Variants in NRXN3 observed in about 807,000 individuals in gnomAD.
NRXN3 encodes neurexin III.
Under a neutral mutation model 137.6 loss-of-function variants are expected in NRXN3, and 32 were observed. That is an observed-to-expected ratio of 0.23 (90% CI 0.18 to 0.31). The LOEUF (loss-of-function observed/expected upper bound fraction) is 0.31, where lower values mean the gene tolerates loss of function less well. NRXN3 is among the 10% of genes least tolerant of loss of function. The probability of loss-of-function intolerance (pLI) is 1.00; values close to 1 mark genes in which losing one functional copy is unlikely to be tolerated. For synonymous variants in NRXN3, 798 were observed against 784.5 expected (o/e 1.02, Z -0.29); for missense variants, 1,574 against 2,062.5 (o/e 0.76, Z 4.59).
At chr14:78,905,551 G>T (rs1323559727) in intron 10 of NRXN3, among the ~76,000 whole-genome samples, 1 of 151,752 alleles carries the variant, frequency 6.6e-6, no homozygotes, top group East Asian at 1.9e-4. Context: ...TTGTAATGTT[G>T]CTGTTCTACA....
chr14:79,417,520 T>C (rs778803884), intron 15 of NRXN3, among the ~76,000 whole-genome samples: 1 of 152,142 alleles, frequency 6.6e-6, no homozygotes, highest in Non-Finnish European at 1.5e-5. Context: ...CTGCTGCTGC[T>C]ACCATGGCTT....
chr14:79,861,692 G>A lies in NRXN3; in HGVS notation c.4444G>A (p.Val1482Ile), dbSNP rs763954991. ...CCCCACGGAGCCGGGAATCAGACGG[G>A]TTCCGGGGGCCTCAGAGGTGATCCG... The part of the protein sequence containing the change: ...ANPTEPGIRR[V>I]PGASEVIRES... The change falls in exon 21 of 21, where the codon GTT becomes ATT. Residue 1482 changes from valine (V) to isoleucine (I), a missense_variant. Physicochemically the swap from Val to Ile is conservative, Grantham distance 29. Coordinates refer to ENST00000335750, the MANE Select transcript of NRXN3 (RefSeq NM_001330195.2). The surrounding 1 kb of genome is among the most constrained non-coding windows in gnomAD (Gnocchi z 5.4). The A allele has an allele frequency of 6.2e-7, 1 of 1,614,140 alleles. No individual in the cohort carries two copies. Among genetic ancestry groups the A allele is most frequent in the Admixed American group, 1.7e-5 (1 of 60,028 alleles).
chr14:78,534,334 T>C (rs963543498), intron 4 of NRXN3, among the ~76,000 whole-genome samples: 1 of 152,124 alleles, frequency 6.6e-6, no homozygotes, highest in African/African-American at 2.4e-5. Context: ...ATGCTGTCAG[T>C]TGTAAGGAAG....
chr14:79,451,609 CA>C (rs2096174054), intron 15 of NRXN3, among the ~76,000 whole-genome samples: 1 of 152,168 alleles, frequency 6.6e-6, no homozygotes, highest in African/African-American at 2.4e-5. Flanking sequence ...TGTAAGTTAC[CA>C]GTGGCTTCAA....
chr14:79,783,217 G>A (rs1425679233), intron 19 of NRXN3, among the ~76,000 whole-genome samples: 1 of 152,176 alleles, frequency 6.6e-6, no homozygotes, highest in East Asian at 1.9e-4. Context: ...AAACAGCACT[G>A]ACTGATAAAG....
rs531648719 is a variant in NRXN3 at position 78,798,334 on chromosome 14, C to A, written c.2045-5286C>A. ...CATTCAAGTCCCAAATCCAGTAAGT[C>A]GGTCATTAAACCTTAAAGTTCCAAA... On this transcript the variant is annotated intron_variant, in intron 8 of 20. Coordinates refer to ENST00000335750, the MANE Select transcript of NRXN3 (RefSeq NM_001330195.2). Among the ~76,000 whole-genome samples, 10 of 152,318 alleles carry A rather than the reference C, an allele frequency of 6.6e-5. No individual in the cohort carries two copies. The East Asian group carries it at 1.9e-3, about 29-fold the overall frequency.
intron 6 of NRXN3, among the ~76,000 whole-genome samples, chr14:78,700,501 G>A (rs1216152436): frequency 2.0e-5 from 3 of 152,180 alleles, no homozygotes; most frequent in Admixed American, 6.5e-5. Flanking sequence ...CTGCTATCCA[G>A]TTGTGTCTGA....
chr14:79,363,531 A>C (rs2093763630), intron 15 of NRXN3, among the ~76,000 whole-genome samples: 1 of 151,722 alleles, frequency 6.6e-6, no homozygotes, highest in South Asian at 2.1e-4. Context: ...CAGCTAAAAG[A>C]GCTTCTTCCT....
chr14:79,008,565 C>CA (rs142552487), intron 15 of NRXN3, among the ~76,000 whole-genome samples: 7 of 150,558 alleles, frequency 4.6e-5, no homozygotes, highest in South Asian at 2.1e-4. Flanking sequence ...TCTCTCCCTG[C>CA]AAAAAAAATA....
At position 79,103,146 on chromosome 14, in the gene NRXN3, G is replaced by A. The variant is rs138020973; in HGVS notation, c.3262+115005G>A. Among the ~76,000 whole-genome samples, 12 of 152,300 alleles carry A rather than the reference G, an allele frequency of 7.9e-5. No individual in the cohort carries two copies. The East Asian group carries it at 1.9e-3, about 25-fold the overall frequency. ...CTTGCTGCAAAAGTAAATGGGGAAT[G>A]CTTCAGGGCTCTTGAGAAAGGTAGT... is the stretch of plus-strand genomic sequence containing the variant. On this transcript the variant is annotated intron_variant, in intron 15 of 20. Transcript: ENST00000335750.
At chr14:79,109,859 A>G (rs1187032248) in intron 15 of NRXN3, among the ~76,000 whole-genome samples, 1 of 152,164 alleles carries the variant, frequency 6.6e-6, no homozygotes, top group African/African-American at 2.4e-5. Flanking sequence ...ACAATAAAGC[A>G]CACTAGGCCA....
At chr14:79,367,262 C>T (rs1000203288) in intron 15 of NRXN3, among the ~76,000 whole-genome samples, 2 of 152,198 alleles carry the variant, frequency 1.3e-5, no homozygotes, top group African/African-American at 4.8e-5. Flanking sequence ...GGATTACAGG[C>T]GTGAGCCACC....
Position 78,715,086 on chromosome 14 carries a change from G to A in NRXN3, c.1991G>A (p.Arg664His), listed in dbSNP as rs570030401. ...NNAVCKDGWN[R>H]FICDCTGTGY... ...GCTGTGTGCAAGGACGGCTGGAACC[G>A]CTTCATCTGCGACTGCACCGGCACC... Residue 664 changes from arginine to histidine, a missense_variant, in exon 8 of 21, where the codon CGC becomes CAC. Physicochemically the swap from Arg to His is conservative, Grantham distance 29 (BLOSUM62 0). Transcript: ENST00000335750. 10 of 1,612,800 alleles carry A rather than the reference G, an allele frequency of 6.2e-6. No homozygotes were observed. Among genetic ancestry groups the A allele is most frequent in the South Asian group, 4.4e-5 (4 of 91,086 alleles).
At chr14:78,987,874 T>G in intron 14 of NRXN3, 148 bp from the exon 15 acceptor site, 7 of 776,066 alleles carry the variant, frequency 9.0e-6, no homozygotes, top group Admixed American at 2.9e-5. Context: ...TCTTGTTGCA[T>G]GAGATTGAGT....
At chr14:79,121,642 T>A (rs964157771) in intron 15 of NRXN3, among the ~76,000 whole-genome samples, 1 of 152,246 alleles carries the variant, frequency 6.6e-6, no homozygotes, top group Admixed American at 6.5e-5. Context: ...ATGCTGTGTG[T>A]GAACTGAGCA....
chr14:79,509,277 C>T (rs147392507), intron 16 of NRXN3, among the ~76,000 whole-genome samples: 4 of 152,136 alleles, frequency 2.6e-5, no homozygotes, highest in South Asian at 4.2e-4. Context: ...GAGGCCAAAG[C>T]GAGCAGATCA....
intron 5 of NRXN3, among the ~76,000 whole-genome samples, chr14:78,649,886 G>A (rs901653481): frequency 2.6e-5 from 4 of 151,976 alleles, no homozygotes; most frequent in African/African-American, 7.3e-5. Context: ...CACCAATTAT[G>A]TTCTCCATAC....
chr14:79,159,532 A>AT (rs747430165), intron 15 of NRXN3, among the ~76,000 whole-genome samples: 149 of 151,762 alleles, frequency 9.8e-4, no homozygotes, highest in Middle Eastern at 6.8e-3. Flanking sequence ...CAAAAAGATT[A>AT]TTTTTTTCTT....
At chr14:79,828,299 A>G (rs1436719565) in intron 20 of NRXN3, among the ~76,000 whole-genome samples, 1 of 152,038 alleles carries the variant, frequency 6.6e-6, no homozygotes, top group Non-Finnish European at 1.5e-5. Flanking sequence ...TAAAGTGATG[A>G]GTTCACTGGA....
Sources: gnomAD v4.1 joint callset for allele counts (sites outside exome capture counted in the v4.1 genomes callset) on GRCh38, gnomAD v4.1.1 for gene constraint, Gnocchi (gnomAD v3.1) non-coding constraint, MANE v1.5 for transcripts, NCBI Gene and HGNC (gene_info 2026-07-23, HGNC 2026-07-21) for gene names.